N4BP2: variants seen among roughly 807,000 people sequenced by gnomAD.
N4BP2 encodes NEDD4 binding protein 2, also known as NEDD4-binding protein 2.
A neutral mutation model predicts 152.8 loss-of-function variants in N4BP2; 91 were observed. The observed-to-expected ratio is 0.60, with a 90% CI of 0.50 to 0.71. The LOEUF (loss-of-function observed/expected upper bound fraction) is 0.71, where lower values mean the gene tolerates loss of function less well. N4BP2 is among the 30% of genes least tolerant of loss of function. N4BP2 has a pLI of 0.00. For missense variants in N4BP2, 1,923 were observed against 2,059.1 expected (o/e 0.93, Z 1.28); for synonymous variants, 646 against 705.3 (o/e 0.92, Z 1.33).
chr4:40,120,900 G>C lies in N4BP2; in HGVS notation c.2789G>C (p.Cys930Ser). Reference sequence around the variant, plus strand: ...TCCTTATCTACAGCACATGAGGCCTGTTGGGGCACAAGCTCTCAAAAACTA... The same window carrying C: ...TCCTTATCTACAGCACATGAGGCCTCTTGGGGCACAAGCTCTCAAAAACTA... ...EISLSTAHEA[C>S]WGTSSQKLKT... Residue 930 changes from cysteine (C) to serine (S), a missense_variant, in exon 9 of 18, where the codon TGT becomes TCT. Transcript: ENST00000261435. 1.2e-6 allele frequency: 2 copies of C among 1,614,104 alleles called. No homozygotes were observed. Among genetic ancestry groups the C allele is most frequent in the Admixed American group, 3.3e-5 (2 of 60,014 alleles).
intron 2 of N4BP2, among the ~76,000 whole-genome samples, chr4:40,081,277 A>C (rs533123939): frequency 2.0e-5 from 3 of 152,284 alleles, no homozygotes; most frequent in South Asian, 2.1e-4. Context: ...AATTTAAGTC[A>C]GTCCCTTTTG....
chr4:40,137,028 T>A lies in N4BP2; in HGVS notation c.4731T>A (p.Val1577=), dbSNP rs1320163991. The part of the protein sequence containing the change: ...PVKTVVAQEF[V]HQNENVTSHT... ...AAACAGTTGTAGCCCAAGAGTTTGT[T>A]CACCAAAATGAGAATGTCACATCTC... The change falls in exon 14 of 18, where the codon GTT becomes GTA. Residue 1577 remains valine, a synonymous_variant. Transcript: ENST00000261435. The A allele has an allele frequency of 1.2e-6, 2 of 1,613,930 alleles. No homozygotes were observed. Among genetic ancestry groups the A allele is most frequent in the Non-Finnish European group, 1.7e-6 (2 of 1,179,884 alleles).
At chr4:40,173,533 G>C in the N4BP2 span, among the ~76,000 whole-genome samples, 1 of 152,346 alleles carries the variant, frequency 6.6e-6, no homozygotes, top group Non-Finnish European at 1.5e-5. Context: ...TTTGACTGGG[G>C]CAGCCAAGTA....
the N4BP2 span, among the ~76,000 whole-genome samples, chr4:40,177,289 G>C: frequency 6.6e-6 from 1 of 152,150 alleles, no homozygotes; most frequent in African/African-American, 2.4e-5. Flanking sequence ...GGAAGGGAGG[G>C]AAAGGGAATT....
At chr4:40,167,197 A>G in the N4BP2 span, 1 of 152,210 alleles carries the variant, frequency 6.6e-6, no homozygotes, top group East Asian at 1.9e-4. Flanking sequence ...AACTGCTGGA[A>G]GAAGGGAGGA....
intron 1 of N4BP2, among the ~76,000 whole-genome samples, chr4:40,065,885 A>G (rs115481055): frequency 0.022 from 3,282 of 152,044 alleles, 118 homozygotes; most frequent in African/African-American, 0.074. Flanking sequence ...ACAAGTATCT[A>G]GTAGAGTATT....
At chr4:40,149,315 G>A (rs1720919021) in intron 16 of N4BP2, among the ~76,000 whole-genome samples, 1 of 152,206 alleles carries the variant, frequency 6.6e-6, no homozygotes, top group South Asian at 2.1e-4. Flanking sequence ...TGTGAAAGAT[G>A]AAGGCAGATA....
At chr4:40,133,018 A>G (rs899332730) in intron 13 of N4BP2, among the ~76,000 whole-genome samples, 11 of 151,866 alleles carry the variant, frequency 7.2e-5, no homozygotes, top group African/African-American at 1.7e-4. Context: ...GCAGCCCGCC[A>G]TTTTTCCCTC....
chr4:40,159,070 T>C (rs1004777943), downstream of N4BP2, among the ~76,000 whole-genome samples: 2 of 152,208 alleles, frequency 1.3e-5, no homozygotes, highest in Admixed American at 6.5e-5. Flanking sequence ...GGTAGTGCTA[T>C]CCCAATTTAA....
chr4:40,120,584 C>A lies in N4BP2; in HGVS notation c.2473C>A (p.His825Asn). The A allele has an allele frequency of 6.2e-7, 1 of 1,614,124 alleles. No individual in the cohort carries two copies. Among genetic ancestry groups the A allele is most frequent in the Non-Finnish European group, 8.5e-7 (1 of 1,180,024 alleles). Residue 825 changes from histidine (H) to asparagine (N), a missense_variant, in exon 9 of 18, where the codon CAC (histidine) becomes AAC (asparagine). Physicochemically the swap from His to Asn is moderately conservative, Grantham distance 68. Transcript: ENST00000261435. The part of the protein sequence containing the change: ...SDKKYNYPQS[H>N]KLVNSVSVNT... ...CAAAAAGTATAATTACCCTCAGTCA[C>A]ACAAATTAGTTAACAGTGTATCTGT...
chr4:40,136,925 C>A lies in N4BP2; in HGVS notation c.4647-19C>A. The A allele has an allele frequency of 6.4e-7, 1 of 1,573,692 alleles. No individual in the cohort carries two copies. The highest frequency in any genetic ancestry group is 8.7e-7 in the Non-Finnish European group (1 of 1,149,080). The stretch of plus-strand genomic sequence containing the variant: ...ATTTTCATTTATTGACATTATGTTT[C>A]TACTTAAATTTTCTACAGCTATTCA... On this transcript the variant is annotated intron_variant, in intron 13 of 17. Coordinates refer to ENST00000261435, the MANE Select transcript of N4BP2 (RefSeq NM_018177.6).
chr4:40,096,002 A>C (rs1187002973), intron 2 of N4BP2, among the ~76,000 whole-genome samples: 1 of 152,166 alleles, frequency 6.6e-6, no homozygotes, highest in Non-Finnish European at 1.5e-5. Flanking sequence ...TGGTTGAAAG[A>C]TGACAGGTGT....
intron 10 of N4BP2, among the ~76,000 whole-genome samples, chr4:40,123,557 C>T (rs1718128993): frequency 6.6e-6 from 1 of 152,140 alleles, no homozygotes; most frequent in Admixed American, 6.5e-5. Context: ...ACAATCATAG[C>T]TCACTGCAGC....
At chr4:40,123,541 A>G (rs1277116272) in intron 10 of N4BP2, among the ~76,000 whole-genome samples, 1 of 152,114 alleles carries the variant, frequency 6.6e-6, no homozygotes, top group Non-Finnish European at 1.5e-5. Context: ...GGTTGAGTGC[A>G]GTGGCACAAT....
chr4:40,135,589 G>GT (rs1299397322), intron 13 of N4BP2, among the ~76,000 whole-genome samples: 1 of 152,132 alleles, frequency 6.6e-6, no homozygotes, highest in Non-Finnish European at 1.5e-5. Flanking sequence ...CTTTCACAGA[G>GT]TTTGCTCTTG....
chr4:40,147,600 T>G (rs1304387854), intron 16 of N4BP2, among the ~76,000 whole-genome samples: 5 of 132,346 alleles, frequency 3.8e-5, no homozygotes, highest in African/African-American at 1.5e-4. Flanking sequence ...CCCCCCCACC[T>G]CCCTCCCGGA....
At chr4:40,137,896 G>C (rs1418136605) in intron 14 of N4BP2, among the ~76,000 whole-genome samples, 2 of 152,224 alleles carry the variant, frequency 1.3e-5, no homozygotes, top group Admixed American at 6.5e-5. Flanking sequence ...CAGGTGGATA[G>C]TGCCCTGGAG....
the N4BP2 span, among the ~76,000 whole-genome samples, chr4:40,164,202 T>C: frequency 6.6e-6 from 1 of 151,848 alleles, no homozygotes; most frequent in Non-Finnish European, 1.5e-5. Context: ...ACTGGAATAG[T>C]GGAGGTGAGC....
intron 11 of N4BP2, among the ~76,000 whole-genome samples, chr4:40,125,831 G>A (rs181576717): frequency 1.3e-5 from 2 of 149,166 alleles, no homozygotes; most frequent in Non-Finnish European, 3.0e-5. Context: ...AGGTTGCAGT[G>A]AGCCGAGACT....
Sources: allele counts gnomAD v4.1 joint callset (sites outside exome capture counted in the v4.1 genomes callset), GRCh38; gene constraint gnomAD v4.1.1; transcripts MANE v1.5; gene names NCBI Gene and HGNC (gene_info 2026-07-23, HGNC 2026-07-21).